DCAF13: variants seen among roughly 807,000 people sequenced by gnomAD.
DCAF13 encodes the protein DDB1- and CUL4-associated factor 13.
DCAF13 carries 38 observed loss-of-function variants against 59.0 expected under a neutral mutation model. That is an observed-to-expected ratio of 0.64 (90% CI 0.50 to 0.84). DCAF13 has a LOEUF of 0.84. Among genes scored for constraint, DCAF13 ranks in the 40% least tolerant of loss-of-function variants. The probability of loss-of-function intolerance (pLI) is 0.00; values close to 1 mark genes in which losing one functional copy is unlikely to be tolerated. For missense variants in DCAF13, 469 were observed against 558.4 expected (o/e 0.84, Z 1.61); for synonymous variants, 173 against 175.0 (o/e 0.99, Z 0.09).
intron 3 of DCAF13, among the ~76,000 whole-genome samples, chr8:103,425,848 C>T (rs544746374): frequency 1.3e-5 from 2 of 152,046 alleles, no homozygotes; most frequent in Non-Finnish European, 2.9e-5. Context: ...TTGCTCTACT[C>T]ATTATATTTT....
At chr8:103,418,853 TATATATATATATA>T (rs1234648161) in intron 1 of DCAF13, among the ~76,000 whole-genome samples, 4 of 31,156 alleles carry the variant, frequency 1.3e-4, no homozygotes, top group Non-Finnish European at 2.3e-4. Flanking sequence ...TATATATATA[TATATATATATATA>T]TTTTTTTTTT....
At chr8:103,418,841 T>A (rs1301004384) in intron 1 of DCAF13, among the ~76,000 whole-genome samples, 1 of 15,168 alleles carries the variant, frequency 6.6e-5, no homozygotes, top group African/African-American at 3.4e-4. Context: ...TATATATATA[T>A]ATATATATAT....
chr8:103,429,778 G>A (rs962480634), intron 5 of DCAF13: 1 of 152,146 alleles, frequency 6.6e-6, no homozygotes, highest in African/African-American at 2.4e-5. Context: ...ACTTTTAAAT[G>A]ACACTACCCA....
At chr8:103,415,586 A>C in intron 1 of DCAF13, 70 bp downstream of exon 1, 2 of 1,463,360 alleles carry the variant, frequency 1.4e-6, no homozygotes, top group Non-Finnish European at 1.8e-6. Context: ...GCTTTCGCGG[A>C]GTAAAGCCGG....
chr8:103,435,938 C>T (rs1387115376), intron 8 of DCAF13, 148 bp downstream of exon 8: 8 of 760,030 alleles, frequency 1.1e-5, no homozygotes, highest in Non-Finnish European at 1.7e-5. Context: ...ACGTGTTGCA[C>T]ACCTAGGCTG....
intron 1 of DCAF13, among the ~76,000 whole-genome samples, chr8:103,419,999 C>G (rs1221664044): frequency 6.9e-6 from 1 of 144,582 alleles, no homozygotes; most frequent in African/African-American, 2.6e-5. Flanking sequence ...CGGAGCAAGA[C>G]TCCGTCTCAA....
chr8:103,419,000 C>T (rs1346003874), intron 1 of DCAF13, among the ~76,000 whole-genome samples: 1 of 148,026 alleles, frequency 6.8e-6, no homozygotes, highest in Non-Finnish European at 1.5e-5. Flanking sequence ...TCTTTTGCCT[C>T]AGCCTCCTGA....
rs959126589 is a variant in DCAF13, at chr8:103,437,663, A to G, written c.950+1873A>G. Among the ~76,000 whole-genome samples the G allele has an allele frequency of 2.6e-5, 4 of 152,004 alleles. No homozygotes were observed. In the East Asian group the frequency reaches 7.8e-4, roughly 30 times the overall value. ...TTTATCTGCTTGAAAGCTAGTTCTAATTTGTTTCTGTGGTTTGTTTCCTAT... is the reference window on the plus strand; with the variant it reads ...TTTATCTGCTTGAAAGCTAGTTCTAGTTTGTTTCTGTGGTTTGTTTCCTAT... On this transcript the variant is annotated intron_variant, in intron 8 of 10. Transcript: ENST00000612750.
intron 1 of DCAF13, among the ~76,000 whole-genome samples, chr8:103,419,211 G>C (rs1816688967): frequency 6.6e-6 from 1 of 151,980 alleles, no homozygotes; most frequent in Non-Finnish European, 1.5e-5. Context: ...CCAAGACAAT[G>C]TGTTTAGCAG....
Position 103,443,082 on chromosome 8 carries a change from A to G in DCAF13, c.*200A>G. The G allele has an allele frequency of 2.3e-6, 1 of 431,290 alleles. No homozygotes were observed. The highest frequency in any genetic ancestry group is 3.7e-5 in the East Asian group (1 of 26,934). The allele number at this position is 431,290 out of a possible 1,614,324, so 26.7% of individuals were successfully genotyped here. A position where few individuals can be genotyped will look rare whatever the true frequency, so the allele number is the denominator to read the frequency against. On this transcript the variant is annotated 3_prime_UTR_variant, in exon 11 of 11. Coordinates refer to ENST00000612750, the MANE Select transcript of DCAF13 (RefSeq NM_015420.7). Reference sequence around the variant, plus strand: ...TAAGACTGTTTTATCCTTAATCTGCATTCTTCTTTCATTGTAGAATACAGT... The same window carrying G: ...TAAGACTGTTTTATCCTTAATCTGCGTTCTTCTTTCATTGTAGAATACAGT...
chr8:103,422,673 G>A (rs1274623085), intron 3 of DCAF13, among the ~76,000 whole-genome samples: 1 of 152,222 alleles, frequency 6.6e-6, no homozygotes, highest in Non-Finnish European at 1.5e-5. Context: ...TTTGGTGTAT[G>A]TCTTTTCAAG....
At chr8:103,426,398 A>G (rs1265771076) in intron 4 of DCAF13, among the ~76,000 whole-genome samples, 1 of 151,922 alleles carries the variant, frequency 6.6e-6, no homozygotes, top group Non-Finnish European at 1.5e-5. Context: ...CAGAGGATAC[A>G]ATGAAACATT....
At chr8:103,417,343 T>TAA (rs5893655) in intron 1 of DCAF13, among the ~76,000 whole-genome samples, 8 of 151,302 alleles carry the variant, frequency 5.3e-5, no homozygotes, top group South Asian at 4.2e-4. Context: ...AGATTTTTCT[T>TAA]AAAAAAAAAG....
rs145609503 is a variant in DCAF13, at chr8:103,427,157, C to G, written c.529C>G (p.Gln177Glu). Residue 177 changes from glutamine to glutamate, a missense_variant, in exon 5 of 11, where the codon CAA becomes GAA. Physicochemically the swap from Gln to Glu is conservative, Grantham distance 29 (BLOSUM62 2). Around this residue, in one of 3 missense-constraint regions of DCAF13, gnomAD observed 355 missense variants for 399.1 expected, o/e 0.89. Coordinates refer to ENST00000612750, the MANE Select transcript of DCAF13 (RefSeq NM_015420.7). ...AGCTGTTTTTGCCACATGTGGACAG[C>G]AAGTAGACATTTGGGATGAACAAAG... is the stretch of plus-strand genomic sequence containing the variant. ...KEAVFATCGQQVDIWDEQRTN... is the reference protein window; with the variant it reads ...KEAVFATCGQEVDIWDEQRTN... The G allele has an allele frequency of 1.2e-5, 20 of 1,613,088 alleles. No individual in the cohort carries two copies. The highest frequency in any genetic ancestry group is 1.7e-5 in the Non-Finnish European group (20 of 1,179,426).
Position 103,427,242 on chromosome 8 carries a change from A to C in DCAF13, c.614A>C (p.Asn205Thr). Reference sequence around the variant, plus strand: ...GACAGTATAAGTAGTGTTAAATTTAACCCAATTGAGGTAATGTTTTTTTTT... The same window carrying C: ...GACAGTATAAGTAGTGTTAAATTTACCCCAATTGAGGTAATGTTTTTTTTT... Reference protein sequence around the residue: ...GFDSISSVKFNPIETFLLGSC... With the variant: ...GFDSISSVKFTPIETFLLGSC... Residue 205 changes from asparagine to threonine, a missense_variant, in exon 5 of 11, where the codon AAC becomes ACC. Coordinates refer to ENST00000612750, the MANE Select transcript of DCAF13 (RefSeq NM_015420.7). The C allele has an allele frequency of 6.2e-7, 1 of 1,612,136 alleles. No individual in the cohort carries two copies. Among genetic ancestry groups the C allele is most frequent in the Non-Finnish European group, 8.5e-7 (1 of 1,178,960 alleles).
chr8:103,430,043 A>G (rs1228400957), intron 5 of DCAF13: 2 of 152,232 alleles, frequency 1.3e-5, no homozygotes, highest in East Asian at 1.9e-4. Context: ...AAGAGTAGGT[A>G]AGTAAAATAT....
At chr8:103,418,111 G>C (rs925018996) in intron 1 of DCAF13, among the ~76,000 whole-genome samples, 1 of 150,960 alleles carries the variant, frequency 6.6e-6, no homozygotes, top group African/African-American at 2.4e-5. Flanking sequence ...CTGGGCAACA[G>C]AGCAAGACTC....
rs771331385 is a variant in DCAF13 at position 103,415,478 on chromosome 8, A to T, written c.32A>T (p.Asp11Val). The T allele has an allele frequency of 7.4e-6, 12 of 1,613,294 alleles. No individual in the cohort carries two copies. The highest frequency in any genetic ancestry group is 1.0e-5 in the Non-Finnish European group (12 of 1,179,520). The change falls in exon 1 of 11, where the codon GAC becomes GTC. Residue 11 changes from aspartate to valine, a missense_variant. Physicochemically the swap from Asp to Val is radical, Grantham distance 152. Transcript: ENST00000612750. ...GTGAAGATGCTGAGCCGGAATCCGG[A>T]CAATTATGTCCGCGAAACCAAGTTG... MKVKMLSRNP[D>V]NYVRETKLDL...
chr8:103,440,053 A>G (rs3098217), intron 8 of DCAF13, 83 bp from the exon 9 acceptor site: 256,162 of 1,130,652 alleles, frequency 0.23, 29,996 homozygotes, highest in East Asian at 0.36. Context: ...ACTCAGAAAT[A>G]GTATCCTGAT....
Sources: allele counts gnomAD v4.1 joint callset (sites outside exome capture counted in the v4.1 genomes callset), GRCh38; gene constraint gnomAD v4.1.1; regional missense constraint gnomAD v4.1.1; transcripts MANE v1.5; gene names NCBI Gene and HGNC (gene_info 2026-07-23, HGNC 2026-07-21).